Variants in MTMR3 observed in about 807,000 individuals in gnomAD.
MTMR3 encodes phosphatidylinositol-3,5-bisphosphate 3-phosphatase MTMR3.
MTMR3 carries 32 observed loss-of-function variants against 132.4 expected under a neutral mutation model. The observed-to-expected ratio is 0.24, with a 90% CI of 0.18 to 0.32. The LOEUF (loss-of-function observed/expected upper bound fraction) is 0.32, where lower values mean the gene tolerates loss of function less well. MTMR3 is among the 10% of genes least tolerant of loss of function. The pLI, the probability that MTMR3 is intolerant of heterozygous loss-of-function variation, is 1.00. For synonymous variants in MTMR3, 556 were observed against 550.3 expected (o/e 1.01, Z -0.14); for missense variants, 1,216 against 1,489.6 (o/e 0.82, Z 3.02).
intron 1 of MTMR3, among the ~76,000 whole-genome samples, chr22:29,895,932 T>TA (rs1257537633): frequency 1.3e-5 from 2 of 152,308 alleles, no homozygotes; most frequent in East Asian, 3.9e-4. Context: ...TCGTCGTCGT[T>TA]ACGTAGAATA....
chr22:29,970,994 GA>G lies in MTMR3; in HGVS notation c.-64del, dbSNP rs1474963441. 8 of 1,111,670 alleles carry G rather than the reference GA, an allele frequency of 7.2e-6. No individual in the cohort carries two copies. In the African/African-American group the frequency reaches 1.5e-4, roughly 21 times the overall value. 68.9% of individuals were successfully genotyped at this position (1,111,670 alleles called of 1,614,324 possible). ...CCCCCAGACTTCACCATAAGGGAAAGAAGAGAGCCTTGTTGGACACTGAAGA... is the reference window on the plus strand; with the variant it reads ...CCCCCAGACTTCACCATAAGGGAAAGAGAGAGCCTTGTTGGACACTGAAGA... On this transcript the variant is annotated 5_prime_UTR_variant, in exon 3 of 20. Transcript: ENST00000401950.
intron 1 of MTMR3, among the ~76,000 whole-genome samples, chr22:29,933,328 G>A (rs533223925): frequency 4.0e-5 from 6 of 151,496 alleles, no homozygotes; most frequent in African/African-American, 1.2e-4. Context: ...TGTGAAGAAT[G>A]TTATTTTATA....
rs372896413 is a variant in MTMR3 at position 30,002,548 on chromosome 22, A to G, written c.558-332A>G. On this transcript the variant is annotated intron_variant, in intron 8 of 19. Coordinates refer to ENST00000401950, the MANE Select transcript of MTMR3 (RefSeq NM_021090.4). ...AGAAGAGTTGTAATGGAGTATAAAG[A>G]GCTGACCCTCGACTCCCCTTTTTTT... is the stretch of plus-strand genomic sequence containing the variant. The G allele has an allele frequency of 1.1e-4, 21 of 193,428 alleles. No homozygotes were observed. In the East Asian group the frequency reaches 2.7e-3, roughly 25 times the overall value. The allele number at this position is 193,428 out of a possible 1,614,324, so 12.0% of individuals were successfully genotyped here.
chr22:29,971,048 G>C lies in MTMR3; in HGVS notation c.-12G>C. ...GGACGGGGATTTCTCCTCCTAATCT[G>C]GGCCTCTTGTCATGGTAAGTACAAG... On this transcript the variant is annotated 5_prime_UTR_variant, in exon 3 of 20. Coordinates refer to ENST00000401950, the MANE Select transcript of MTMR3 (RefSeq NM_021090.4). 1 of 1,586,938 alleles carries C rather than the reference G, an allele frequency of 6.3e-7. No individual in the cohort carries two copies. Among genetic ancestry groups the C allele is most frequent in the Non-Finnish European group, 8.5e-7 (1 of 1,170,116 alleles).
In MTMR3 at chr22:29,978,917, G is replaced by C. The variant is rs375429154; in HGVS notation, c.94-19G>C. The C allele has an allele frequency of 6.4e-7, 1 of 1,562,424 alleles. No individual in the cohort carries two copies. Among genetic ancestry groups the C allele is most frequent in the East Asian group, 2.2e-5 (1 of 44,572 alleles). On this transcript the variant is annotated intron_variant, in intron 4 of 19. Transcript: ENST00000401950. ...TTTTAACTGCTTCAGAACTCTGAAG[G>C]GTTTCTTTCATTTCGAAGGTTCCTT...
intron 17 of MTMR3, chr22:30,021,466 A>AGGGG (rs2067748687): frequency 6.9e-6 from 1 of 145,650 alleles, no homozygotes; most frequent in South Asian, 2.0e-4. Context: ...GGAGGTTCTC[A>AGGGG]AGGAGGTGCT....
intron 1 of MTMR3, among the ~76,000 whole-genome samples, chr22:29,914,031 T>G (rs1054179200): frequency 1.3e-5 from 2 of 152,320 alleles, no homozygotes; most frequent in South Asian, 2.1e-4. Context: ...ATTACAGGCA[T>G]GAGCCACCAC....
intron 1 of MTMR3, among the ~76,000 whole-genome samples, chr22:29,886,341 G>A (rs1252815514): frequency 1.3e-5 from 2 of 152,154 alleles, no homozygotes; most frequent in Admixed American, 6.5e-5. Flanking sequence ...ACATTATCGA[G>A]TCCCCTAGTT....
intron 6 of MTMR3, 156 bp downstream of exon 6, chr22:29,988,718 G>T (rs1174886210): frequency 4.6e-6 from 2 of 434,000 alleles, no homozygotes; most frequent in South Asian, 6.5e-5. Flanking sequence ...TTTATCTGTA[G>T]GATGTATACT....
intron 2 of MTMR3, among the ~76,000 whole-genome samples, chr22:29,966,720 GGTGTGCGTGT>G (rs2066423155): frequency 8.6e-6 from 1 of 116,178 alleles, no homozygotes; most frequent in South Asian, 3.5e-4. Context: ...GACCTGTAGG[GGTGTGCGTGT>G]GTGTGTGTGT....
intron 3 of MTMR3, among the ~76,000 whole-genome samples, chr22:29,973,673 C>T (rs763382428): frequency 6.6e-6 from 1 of 152,108 alleles, no homozygotes; most frequent in African/African-American, 2.4e-5. Flanking sequence ...GATCTTGGCT[C>T]ACTGCAACCT....
intron 1 of MTMR3, among the ~76,000 whole-genome samples, chr22:29,912,789 T>C (rs1220762385): frequency 6.6e-6 from 1 of 152,182 alleles, no homozygotes; most frequent in African/African-American, 2.4e-5. Context: ...CAAAATAAAC[T>C]TGACCATTGG....
intron 1 of MTMR3, among the ~76,000 whole-genome samples, chr22:29,936,020 G>C (rs1198445973): frequency 6.7e-6 from 1 of 149,536 alleles, no homozygotes. Context: ...CCAAAGTGCT[G>C]GGTTTACAGG....
intron 1 of MTMR3, among the ~76,000 whole-genome samples, chr22:29,915,727 A>G (rs530146438): frequency 6.6e-4 from 100 of 152,286 alleles, no homozygotes; most frequent in African/African-American, 2.4e-3. Flanking sequence ...CCCGGCTGAC[A>G]GTCTCCTTTT....
chr22:29,922,060 C>G (rs77096775), intron 1 of MTMR3, among the ~76,000 whole-genome samples: 1 of 151,376 alleles, frequency 6.6e-6, no homozygotes, highest in Admixed American at 6.6e-5. Context: ...GAGTTTTGCC[C>G]TTGTCACCCA....
At chr22:29,937,788 C>T (rs2065779918) in intron 1 of MTMR3, among the ~76,000 whole-genome samples, 1 of 152,064 alleles carries the variant, frequency 6.6e-6, no homozygotes, top group African/African-American at 2.4e-5. Flanking sequence ...ATAAATTGTA[C>T]AAGAAGATTT....
In MTMR3 at chr22:29,991,609, T is replaced by C. The variant is rs1311408475; in HGVS notation, c.399T>C (p.His133=). Residue 133 remains histidine, a synonymous_variant, in exon 7 of 20, where the codon CAT becomes CAC. Coordinates refer to ENST00000401950, the MANE Select transcript of MTMR3 (RefSeq NM_021090.4). ...KIEDLFSFAY[H]AWCMEVYASE... ...AAGATCTCTTCTCATTTGCATACCA[T>C]GCTTGGTGCATGGAGGTCTATGCCA... 6.2e-7 allele frequency: 1 copy of C among 1,614,066 alleles called. No homozygotes were observed. Among genetic ancestry groups the C allele is most frequent in the African/African-American group, 1.3e-5 (1 of 75,050 alleles).
In MTMR3 at chr22:30,007,944, C is replaced by T; in HGVS notation, c.921C>T (p.Ile307=). ...CTTCAGGAGCAGAGAGTTTAGCCAT[C>T]CAACCGCAGAAGCTTTTGATCTTGG... ...SNASGAESLA[I]QPQKLLILDA... Residue 307 remains isoleucine, a synonymous_variant, in exon 11 of 20, where the codon ATC becomes ATT. Transcript: ENST00000401950. 6.2e-7 allele frequency: 1 copy of T among 1,613,568 alleles called. No individual in the cohort carries two copies. The highest frequency in any genetic ancestry group is 8.5e-7 in the Non-Finnish European group (1 of 1,179,988).
chr22:29,957,132 T>G (rs1292842588), intron 2 of MTMR3, 44 bp downstream of exon 2: 1 of 141,878 alleles, frequency 7.0e-6, no homozygotes, highest in Admixed American at 7.1e-5. Flanking sequence ...CCCCCTCCAA[T>G]ACTCTCTCTG....
Sources: gnomAD v4.1 joint callset for allele counts (sites outside exome capture counted in the v4.1 genomes callset) on GRCh38, gnomAD v4.1.1 for gene constraint, MANE v1.5 for transcripts, NCBI Gene and HGNC (gene_info 2026-07-23, HGNC 2026-07-21) for gene names.